The following AP3B2 variants were observed in gnomAD, a reference collection of about 807,000 sequenced individuals.
The protein encoded by AP3B2 is AP-3 complex subunit beta-2.
A neutral mutation model predicts 126.9 loss-of-function variants in AP3B2; 50 were observed. The observed-to-expected ratio is 0.39, with a 90% CI of 0.31 to 0.50. The LOEUF (loss-of-function observed/expected upper bound fraction) is 0.50, where lower values mean the gene tolerates loss of function less well. Ranked by LOEUF, AP3B2 falls within the 20% of genes least tolerant of loss-of-function variation. The probability of loss-of-function intolerance (pLI) is 0.79; values close to 1 mark genes in which losing one functional copy is unlikely to be tolerated. For missense variants in AP3B2, 1,177 were observed against 1,426.4 expected (o/e 0.83, Z 2.82); for synonymous variants, 541 against 565.0 (o/e 0.96, Z 0.60).
In AP3B2 at chr15:82,663,160, G is replaced by A. The variant is rs2151427990; in HGVS notation, c.2571C>T (p.Gly857=). The change falls in exon 22 of 27, where the codon GGC becomes GGT. Residue 857 remains glycine (G), a synonymous_variant. Transcript: ENST00000535359. ...CCAGGGTGGAGTCTGTGAGTGTCAG[G>A]CCCTCCAGGTCAGCAGCCAGACTGG... is the stretch of plus-strand genomic sequence containing the variant. ...VSTSLAADLE[G]LTLTDSTLVP... 1.2e-6 allele frequency: 2 copies of A among 1,612,384 alleles called. No individual in the cohort carries two copies. The highest frequency in any genetic ancestry group is 2.2e-5 in the East Asian group (1 of 44,862).
Position 82,663,917 on chromosome 15 carries a change from C to T in AP3B2, c.2320G>A (p.Gly774Arg), listed in dbSNP as rs180683793. The change falls in exon 20 of 27, where the codon GGA becomes AGA. Residue 774 changes from glycine to arginine, a missense_variant. Around this residue, in one of 5 missense-constraint regions of AP3B2, gnomAD observed 587 missense variants for 571.3 expected, o/e 1.03. Coordinates refer to ENST00000535359, the MANE Select transcript of AP3B2 (RefSeq NM_001278512.2). ...CCCTCATCAGAGGATGACGCTTCTCCTTTTCTCTCTGGCACCTTCTTCTTT... is the reference window on the plus strand; with the variant it reads ...CCCTCATCAGAGGATGACGCTTCTCTTTTTCTCTCTGGCACCTTCTTCTTT... ...KTKKKVPERK[G>R]EASSSDEGSD... 4.1e-5 allele frequency: 66 copies of T among 1,612,082 alleles called. No individual in the cohort carries two copies. In the African/African-American group the frequency reaches 6.7e-4, roughly 16 times the overall value.
chr15:82,672,630 C>T (rs1192186401), intron 14 of AP3B2, among the ~76,000 whole-genome samples: 1 of 151,922 alleles, frequency 6.6e-6, no homozygotes, highest in Non-Finnish European at 1.5e-5. Flanking sequence ...GTTTGTAACA[C>T]AAAAGATAAA....
rs2047942572 is a variant in AP3B2 at position 82,661,305 on chromosome 15, C to CAAAT, written c.3016+519_3016+520insATTT. ...ATACTAAATAGCTCCTCCTGAATTT[C>CAAAT]CCAAATGCATTTCAAAATCAGCTTA... On this transcript the variant is annotated intron_variant, in intron 25 of 26. Coordinates refer to ENST00000535359, the MANE Select transcript of AP3B2 (RefSeq NM_001278512.2). 6.6e-5 allele frequency among the ~76,000 whole-genome samples: 10 copies of CAAAT among 152,178 alleles called. 1 individual carries two copies.
In AP3B2 at chr15:82,681,847, GCTGAAACAC is replaced by G. The variant is rs1274886630; in HGVS notation, c.361-276_361-268del. ...AAAAACTTTCAGAACACCTAAAATT[GCTGAAACAC>G]CTGAAACACTTCCTGTTCCTTGTAA... On this transcript the variant is annotated intron_variant, in intron 4 of 26. Transcript: ENST00000535359. This position sits in a 1 kb window ranked among gnomAD's most constrained non-coding sequence, Gnocchi z 4.0. Among the ~76,000 whole-genome samples, 1 of 152,132 alleles carries G rather than the reference GCTGAAACAC, an allele frequency of 6.6e-6. No individual in the cohort carries two copies. Among genetic ancestry groups the G allele is most frequent in the Non-Finnish European group, 1.5e-5 (1 of 68,038 alleles).
At chr15:82,663,344 T>C (rs1290209142) in intron 21 of AP3B2, 111 bp from the exon 22 acceptor site, 7 of 1,038,858 alleles carry the variant, frequency 6.7e-6, no homozygotes, top group Non-Finnish European at 1.0e-5. Context: ...GCGGGGCACA[T>C]GGCTGCCTGG....
At chr15:82,691,947 C>T in intron 1 of AP3B2, 1 of 1,387,734 alleles carries the variant, frequency 7.2e-7, no homozygotes, top group African/African-American at 1.4e-5. Context: ...TCAACCATCC[C>T]CACACCGTCC....
chr15:82,665,028 C>T lies in AP3B2; in HGVS notation c.2029-85G>A. The T allele has an allele frequency of 8.4e-7, 1 of 1,183,440 alleles. No individual in the cohort carries two copies. Among genetic ancestry groups the T allele is most frequent in the Non-Finnish European group, 1.2e-6 (1 of 815,998 alleles). 73.3% of individuals were successfully genotyped at this position (1,183,440 alleles called of 1,614,324 possible). ...CACAAGCCCTTACCCTTTATTCCAC[C>T]TCTTTGTGAGGCCCTACCTGGTCTG... On this transcript the variant is annotated intron_variant, in intron 17 of 26. Coordinates refer to ENST00000535359, the MANE Select transcript of AP3B2 (RefSeq NM_001278512.2). The surrounding 1 kb of genome is among the most constrained non-coding windows in gnomAD (Gnocchi z 4.4).
chr15:82,687,159 G>A (rs1259536962), intron 4 of AP3B2: 1 of 152,220 alleles, frequency 6.6e-6, no homozygotes, highest in Non-Finnish European at 1.5e-5. Flanking sequence ...CAGAAAAGAT[G>A]ACCTGTTAGA....
chr15:82,675,532 C>T (rs1456311026), intron 14 of AP3B2, among the ~76,000 whole-genome samples: 2 of 152,198 alleles, frequency 1.3e-5, no homozygotes, highest in African/African-American at 4.8e-5. Context: ...AATCTGTAGA[C>T]CCCAGCCACC....
intron 23 of AP3B2, 115 bp from the exon 24 acceptor site, chr15:82,662,367 A>G (rs2047966117): frequency 3.5e-6 from 3 of 858,226 alleles, no homozygotes; most frequent in Non-Finnish European, 5.6e-6. Context: ...AGCCCTCTAC[A>G]GAATCTTGGC....
At chr15:82,698,321 A>G (rs1189966214) in intron 1 of AP3B2, among the ~76,000 whole-genome samples, 1 of 151,414 alleles carries the variant, frequency 6.6e-6, no homozygotes, top group Non-Finnish European at 1.5e-5. Context: ...TCACCTACAC[A>G]CCTACAAACC....
chr15:82,661,802 G>T, intron 25 of AP3B2, 23 bp downstream of exon 25: 1 of 1,586,696 alleles, frequency 6.3e-7, no homozygotes, highest in Non-Finnish European at 8.6e-7. Context: ...TTCCCTCTCT[G>T]CCCACTCCCA....
chr15:82,697,250 C>T (rs1319438619), intron 1 of AP3B2, among the ~76,000 whole-genome samples: 5 of 152,160 alleles, frequency 3.3e-5, no homozygotes, highest in African/African-American at 1.2e-4. Context: ...AGGAGAATGG[C>T]GTGAACCCAG....
In AP3B2 at chr15:82,661,881, A is replaced by G. The variant is rs376590992; in HGVS notation, c.2960T>C (p.Val987Ala). 7.0e-5 allele frequency: 113 copies of G among 1,613,804 alleles called. No homozygotes were observed. The highest frequency in any genetic ancestry group is 8.8e-5 in the Non-Finnish European group (104 of 1,179,880). ...GAACACAGGGGCCATCAGCTCCCCA[A>G]CAGGTGGCTGAATGGAGACGTAGAA... ...RQFYVSIQPPVGELMAPVFMS... is the reference protein window; with the variant it reads ...RQFYVSIQPPAGELMAPVFMS... The change falls in exon 25 of 27, where the codon GTT (valine) becomes GCT (alanine). Residue 987 changes from valine to alanine, a missense_variant. Around this residue, in one of 5 missense-constraint regions of AP3B2, gnomAD observed 587 missense variants for 571.3 expected, o/e 1.03. Coordinates refer to ENST00000535359, the MANE Select transcript of AP3B2 (RefSeq NM_001278512.2).
At chr15:82,705,288 G>A (rs140248638) in intron 1 of AP3B2, among the ~76,000 whole-genome samples, 2,893 of 152,208 alleles carry the variant, frequency 0.019, 36 homozygotes, top group Non-Finnish European at 0.028. Flanking sequence ...TCACTCGCCT[G>A]TTACAGCATG....
At chr15:82,671,280 G>A (rs770828832) in intron 14 of AP3B2, among the ~76,000 whole-genome samples, 8 of 151,690 alleles carry the variant, frequency 5.3e-5, no homozygotes, top group East Asian at 1.9e-4. Flanking sequence ...GCAAGACTCC[G>A]TCTCAAAAAA....
chr15:82,703,458 C>T (rs1307860126), intron 1 of AP3B2, among the ~76,000 whole-genome samples: 2 of 146,360 alleles, frequency 1.4e-5, no homozygotes, highest in Non-Finnish European at 3.0e-5. Context: ...CTGTGGGCAA[C>T]ATTCCACCCT....
chr15:82,706,648 A>G (rs2048800035), intron 1 of AP3B2, among the ~76,000 whole-genome samples: 1 of 152,146 alleles, frequency 6.6e-6, no homozygotes, highest in Admixed American at 6.5e-5. Flanking sequence ...ACTTACACCT[A>G]TGAATCTCTT....
chr15:82,666,078 G>C (rs575207897), intron 15 of AP3B2, among the ~76,000 whole-genome samples: 1 of 152,316 alleles, frequency 6.6e-6, no homozygotes, highest in Admixed American at 6.5e-5. Flanking sequence ...CTCCCCATTC[G>C]TGAGGTCCAG....
Sources: allele counts gnomAD v4.1 joint callset (sites outside exome capture counted in the v4.1 genomes callset), GRCh38; gene constraint gnomAD v4.1.1; regional missense constraint gnomAD v4.1.1; non-coding constraint Gnocchi (gnomAD v3.1); transcripts MANE v1.5; gene names NCBI Gene and HGNC (gene_info 2026-07-23, HGNC 2026-07-21).